The following PHC2 variants were observed in gnomAD, a reference collection of about 807,000 sequenced individuals.
The protein encoded by PHC2 is polyhomeotic homolog 2, also known as polyhomeotic-like protein 2.
PHC2 carries 29 observed loss-of-function variants against 87.4 expected under a neutral mutation model. The observed-to-expected ratio is 0.33, with a 90% CI of 0.25 to 0.45. The LOEUF (loss-of-function observed/expected upper bound fraction) is 0.45. Ranked by LOEUF, PHC2 falls within the 20% of genes least tolerant of loss-of-function variation. The pLI is 1.00. For synonymous variants in PHC2, 438 were observed against 461.7 expected (o/e 0.95, Z 0.66); for missense variants, 857 against 1,136.7 (o/e 0.75, Z 3.54).
intron 2 of PHC2, among the ~76,000 whole-genome samples, chr1:33,373,729 T>TC (rs1647999929): frequency 6.6e-6 from 1 of 152,088 alleles, no homozygotes. Context: ...TCACCAGGCT[T>TC]CCCCCTATTT....
At chr1:33,345,801 A>G in intron 9 of PHC2, 1 of 985,204 alleles carries the variant, frequency 1.0e-6, no homozygotes. Flanking sequence ...TATCCACATC[A>G]TAAAGCAGAA....
chr1:33,339,097 G>A (rs1352967997), intron 9 of PHC2, among the ~76,000 whole-genome samples: 1 of 152,206 alleles, frequency 6.6e-6, no homozygotes, highest in Non-Finnish European at 1.5e-5. Context: ...GCTCCTGTTT[G>A]TGAAATTATC....
intron 9 of PHC2, chr1:33,336,443 G>C (rs557994905): frequency 1.2e-5 from 1 of 84,792 alleles, no homozygotes; most frequent in Admixed American, 1.5e-4. Context: ...CCATCTAAGA[G>C]AAAGGACCAA....
rs1046492833 is a variant in PHC2 at position 33,328,855 on chromosome 1, T to C, written c.2425+15A>G. The C allele has an allele frequency of 2.5e-6, 4 of 1,590,064 alleles. No individual in the cohort carries two copies. The highest frequency in any genetic ancestry group is 3.4e-6 in the Non-Finnish European group (4 of 1,162,740). On this transcript the variant is annotated intron_variant, in intron 14 of 14. Coordinates refer to ENST00000683057, the MANE Select transcript of PHC2 (RefSeq NM_001385109.1). ...TTGCTATTCCGGGGAGACATGGAAT[T>C]TCCAAGGGCCTTACCTGGCAGAGAG...
At position 33,349,779 on chromosome 1, in the gene PHC2, C is replaced by CGGCCGGGGCGCGA. The variant is rs1553184914; in HGVS notation, c.1558+4609_1558+4621dup. The CGGCCGGGGCGCGA allele has an allele frequency of 2.0e-6, 2 of 979,204 alleles. No individual in the cohort carries two copies. Among genetic ancestry groups the CGGCCGGGGCGCGA allele is most frequent in the Non-Finnish European group, 2.4e-6 (2 of 827,230 alleles). The allele number at this position is 979,204 out of a possible 1,614,324, so 60.7% of individuals were successfully genotyped here. ...CGGCCTGGCCGGCGTCAACAAAGGG[C>CGGCCGGGGCGCGA]GGCCGGGGCGCGAGGCCGGGACGGG... On this transcript the variant is annotated intron_variant, in intron 9 of 14. Transcript: ENST00000683057. The surrounding 1 kb of genome is among the most constrained non-coding windows in gnomAD (Gnocchi z 4.2).
chr1:33,358,308 T>C (rs1209742765), intron 7 of PHC2, among the ~76,000 whole-genome samples: 1 of 152,146 alleles, frequency 6.6e-6, no homozygotes, highest in Non-Finnish European at 1.5e-5. Flanking sequence ...CTCCCCACCC[T>C]GTGCTGCTCA....
intron 7 of PHC2, among the ~76,000 whole-genome samples, chr1:33,365,166 G>A (rs564312531): frequency 6.6e-6 from 1 of 152,322 alleles, no homozygotes; most frequent in Non-Finnish European, 1.5e-5. Flanking sequence ...ACCTCTCTGA[G>A]CTTCAGTTTG....
intron 9 of PHC2, among the ~76,000 whole-genome samples, chr1:33,337,282 C>T (rs1269108637): frequency 1.3e-5 from 2 of 152,184 alleles, no homozygotes; most frequent in Non-Finnish European, 2.9e-5. Flanking sequence ...ATACCTCCAG[C>T]GACAAAGAAA....
Position 33,425,628 on chromosome 1 carries a change from T to G in PHC2, c.-55+5348A>C, listed in dbSNP as rs75018876. Among the ~76,000 whole-genome samples, 448 of 152,322 alleles carry G rather than the reference T, an allele frequency of 2.9e-3. 2 individuals are homozygous for G. The highest frequency in any genetic ancestry group is 0.01 in the African/African-American group (432 of 41,550). On this transcript the variant is annotated intron_variant, in intron 1 of 14. Transcript: ENST00000683057. ...GAAATGCCTTCTGAGAGGTAATGCT[T>G]GAATTGAGTCTTAAAAGATAAGTAG...
intron 1 of PHC2, among the ~76,000 whole-genome samples, chr1:33,393,636 G>A (rs1384454399): frequency 2.5e-5 from 1 of 39,506 alleles, no homozygotes; most frequent in Non-Finnish European, 4.9e-5. Context: ...AGAGTGAGCA[G>A]GCTAGGCTTC....
At chr1:33,333,559 G>A (rs1646553329) in intron 10 of PHC2, 1 of 161,274 alleles carries the variant, frequency 6.2e-6, no homozygotes, top group Non-Finnish European at 1.3e-5. Flanking sequence ...ACCTTTCTGA[G>A]TGCCCCTCAA....
Position 33,324,930 on chromosome 1 carries a change from T to C in PHC2, c.2515A>G (p.Met839Val). The C allele has an allele frequency of 6.2e-7, 1 of 1,614,016 alleles. No homozygotes were observed. Among genetic ancestry groups the C allele is most frequent in the Non-Finnish European group, 8.5e-7 (1 of 1,179,892 alleles). ...LLKEDHLMSAMNIKLGPALKI... is the reference protein window; with the variant it reads ...LLKEDHLMSAVNIKLGPALKI... ...AGGGCGGGCCCCAGCTTGATGTTCA[T>C]GGCGCTCATCAGGTGGTCCTCCTTG... is the stretch of plus-strand genomic sequence containing the variant. The change falls in exon 15 of 15, where the codon ATG becomes GTG. Residue 839 changes from methionine to valine, a missense_variant. Physicochemically the swap from Met to Val is conservative, Grantham distance 21 (BLOSUM62 1). Coordinates refer to ENST00000683057, the MANE Select transcript of PHC2 (RefSeq NM_001385109.1).
At chr1:33,335,055 TA>T (rs1203655959) in intron 9 of PHC2, 3 of 307,016 alleles carry the variant, frequency 9.8e-6, no homozygotes, top group Admixed American at 6.5e-5. Flanking sequence ...CACCAAATCA[TA>T]GATCCTCTGT....
chr1:33,422,182 C>T (rs1193111741), intron 1 of PHC2, among the ~76,000 whole-genome samples: 5 of 152,164 alleles, frequency 3.3e-5, no homozygotes, highest in African/African-American at 9.7e-5. Flanking sequence ...TCACTTTCTC[C>T]AGAAAACTTT....
chr1:33,336,749 A>AC (rs1027949850), intron 9 of PHC2: 11 of 152,236 alleles, frequency 7.2e-5, no homozygotes, highest in African/African-American at 2.4e-4. Flanking sequence ...TTCAGGAGGG[A>AC]CGCACATGGA....
At chr1:33,357,912 T>C (rs575069050) in intron 7 of PHC2, among the ~76,000 whole-genome samples, 2 of 152,270 alleles carry the variant, frequency 1.3e-5, no homozygotes, top group South Asian at 2.1e-4. Flanking sequence ...GGGCTGCCTA[T>C]GTGAGGTGGG....
At chr1:33,406,269 A>G (rs1649758673) in intron 1 of PHC2, among the ~76,000 whole-genome samples, 2 of 152,082 alleles carry the variant, frequency 1.3e-5, no homozygotes, top group African/African-American at 4.8e-5. Context: ...GTATTTTCTG[A>G]CTCATTATAA....
At chr1:33,327,675 T>C (rs1646400721) in intron 14 of PHC2, among the ~76,000 whole-genome samples, 1 of 152,240 alleles carries the variant, frequency 6.6e-6, no homozygotes, top group Non-Finnish European at 1.5e-5. Flanking sequence ...CCTGGATCCC[T>C]ACCTGTGGGG....
rs375458768 is a variant in PHC2, at chr1:33,372,351, C to T, written c.271G>A (p.Ala91Thr). 1.9e-5 allele frequency: 30 copies of T among 1,604,322 alleles called. No individual in the cohort carries two copies. Among genetic ancestry groups the T allele is most frequent in the Admixed American group, 5.1e-5 (3 of 59,366 alleles). ...AQQQHLMLQT[A>T]ALQQQHLSSA... ...CTGAGGTGCTGCTGCTGGAGCGCCG[C>T]GGTCTGCAGCATGAGGTGCTGCTGC... Residue 91 changes from alanine (A) to threonine (T), a missense_variant, in exon 3 of 15, where the codon GCG (alanine) becomes ACG (threonine). By Grantham distance (58) the Ala-to-Thr change is moderately conservative. Coordinates refer to ENST00000683057, the MANE Select transcript of PHC2 (RefSeq NM_001385109.1).
Sources: gnomAD v4.1 joint callset for allele counts (sites outside exome capture counted in the v4.1 genomes callset) on GRCh38, gnomAD v4.1.1 for gene constraint, Gnocchi (gnomAD v3.1) non-coding constraint, MANE v1.5 for transcripts, NCBI Gene and HGNC (gene_info 2026-07-23, HGNC 2026-07-21) for gene names.